LPP: variants seen among roughly 807,000 people sequenced by gnomAD.
LPP encodes lipoma-preferred partner.
LPP carries 38 observed loss-of-function variants against 60.4 expected under a neutral mutation model. The ratio of observed to expected loss-of-function variants is 0.63; its 90% CI spans 0.49 to 0.83. The LOEUF is 0.83. Among genes scored for constraint, LPP ranks in the 40% least tolerant of loss-of-function variants. LPP has a pLI of 0.00. For missense variants in LPP, 902 were observed against 783.6 expected, an observed-to-expected ratio of 1.15 and a Z score of -1.80; for synonymous variants, 328 against 290.8, an observed-to-expected ratio of 1.13 and a Z score of -1.30.
chr3:188,484,323 C>T (rs555228258), intron 4 of LPP, among the ~76,000 whole-genome samples: 1 of 152,144 alleles, frequency 6.6e-6, no homozygotes, highest in Non-Finnish European at 1.5e-5. Flanking sequence ...TATCTCCCAC[C>T]CAAGCTCATT....
At chr3:188,174,454 A>C (rs557113699) in intron 1 of LPP, among the ~76,000 whole-genome samples, 1 of 152,362 alleles carries the variant, frequency 6.6e-6, no homozygotes, top group South Asian at 2.1e-4. Context: ...TTGATACCCG[A>C]GGAACGCACG....
intron 8 of LPP, among the ~76,000 whole-genome samples, chr3:188,726,175 T>C (rs1008578090): frequency 1.6e-4 from 24 of 151,964 alleles, no homozygotes; most frequent in African/African-American, 5.6e-4. Context: ...GGGACAAGAT[T>C]TGGGGGATGA....
At chr3:188,445,047 A>T (rs147581025) in intron 4 of LPP, among the ~76,000 whole-genome samples, 101 of 152,322 alleles carry the variant, frequency 6.6e-4, no homozygotes, top group African/African-American at 2.3e-3. Flanking sequence ...TGGGAGTGTA[A>T]ATTAGTTCAA....
intron 9 of LPP, among the ~76,000 whole-genome samples, chr3:188,777,653 T>G (rs1212587624): frequency 1.3e-5 from 2 of 152,108 alleles, no homozygotes; most frequent in Non-Finnish European, 2.9e-5. Flanking sequence ...TGGCATGTCT[T>G]TTGTCTCTCT....
At chr3:188,342,654 C>A (rs1459969641) in intron 3 of LPP, among the ~76,000 whole-genome samples, 2 of 152,092 alleles carry the variant, frequency 1.3e-5, no homozygotes, top group Non-Finnish European at 2.9e-5. Context: ...ATATCTATGA[C>A]CTCGAACTGC....
In LPP at chr3:188,318,819, C is replaced by T. The variant is rs377456030; in HGVS notation, c.-66-22844C>T. 4.1e-3 allele frequency among the ~76,000 whole-genome samples: 543 copies of T among 132,102 alleles called. 6 individuals are homozygous for T. Among genetic ancestry groups the T allele is most frequent in the South Asian group, 0.02 (83 of 4,200 alleles). 86.7% of individuals were successfully genotyped at this position (132,102 alleles called of 152,430 possible). On this transcript the variant is annotated intron_variant, in intron 2 of 11. Transcript: ENST00000617246. The stretch of plus-strand genomic sequence containing the variant: ...TGTCGCCCAGGCTGGAGTGCAGTGG[C>T]GCGATCTCGGCTCACTGCAAGCTCC...
intron 2 of LPP, among the ~76,000 whole-genome samples, chr3:188,237,292 C>T (rs1253274569): frequency 6.6e-6 from 1 of 152,182 alleles, no homozygotes; most frequent in East Asian, 1.9e-4. Context: ...CTCCACTGGT[C>T]TTGAACCACT....
intron 6 of LPP, among the ~76,000 whole-genome samples, chr3:188,607,543 C>T (rs1242661229): frequency 2.6e-5 from 4 of 151,668 alleles, no homozygotes; most frequent in Non-Finnish European, 5.9e-5. Context: ...TGCCAACATT[C>T]TTCTGGCCCA....
At chr3:188,235,240 T>C (rs1721474874) in intron 2 of LPP, among the ~76,000 whole-genome samples, 1 of 151,974 alleles carries the variant, frequency 6.6e-6, no homozygotes, top group Non-Finnish European at 1.5e-5. Context: ...TCTGGAAGAG[T>C]TCTGGCAGCA....
At chr3:188,386,293 C>G (rs2148623280) in intron 3 of LPP, among the ~76,000 whole-genome samples, 2 of 151,956 alleles carry the variant, frequency 1.3e-5, no homozygotes, top group Admixed American at 1.3e-4. Context: ...CACACACACA[C>G]ACACACACAC....
At position 188,371,675 on chromosome 3, in the gene LPP, A is replaced by G. The variant is rs1405559362; in HGVS notation, c.-10+29956A>G. ...TTTTTTTTTTTTTTTTTTTTTTGAG[A>G]TGGAGACTTGCTCTTGTCGCCCAGG... is the stretch of plus-strand genomic sequence containing the variant. On this transcript the variant is annotated intron_variant, in intron 3 of 11. Transcript: ENST00000617246. Among the ~76,000 whole-genome samples, 6 of 40,062 alleles carry G rather than the reference A, an allele frequency of 1.5e-4. No homozygotes were observed. In the East Asian group the frequency reaches 6.8e-3, roughly 46 times the overall value. 26.3% of individuals were successfully genotyped at this position (40,062 alleles called of 152,430 possible). A position where few individuals can be genotyped will look rare whatever the true frequency, so the allele number is the denominator to read the frequency against.
intron 3 of LPP, among the ~76,000 whole-genome samples, chr3:188,360,295 A>G (rs746137629): frequency 2.0e-5 from 3 of 152,086 alleles, no homozygotes; most frequent in Non-Finnish European, 4.4e-5. Context: ...TGATCCTGAA[A>G]CTGTCATTCT....
intron 6 of LPP, among the ~76,000 whole-genome samples, chr3:188,600,968 GTA>G (rs758003689): frequency 5.3e-5 from 8 of 151,506 alleles, no homozygotes; most frequent in East Asian, 1.9e-4. Flanking sequence ...ATGTGTGTGT[GTA>G]TATATATATA....
intron 2 of LPP, among the ~76,000 whole-genome samples, chr3:188,270,235 T>A (rs1737251706): frequency 6.6e-6 from 1 of 151,924 alleles, no homozygotes; most frequent in South Asian, 2.1e-4. Flanking sequence ...TGGCCTAAGT[T>A]TCTTTTTCTT....
In LPP at chr3:188,621,156, G is replaced by A. The variant is rs780951652; in HGVS notation, c.1113+11312G>A. ...TTTTATTCCAAAAAAAAAAAGAGTC[G>A]TTTATGTGGGCTTAAATAGCTGTGC... On this transcript the variant is annotated intron_variant, in intron 7 of 11. Coordinates refer to ENST00000617246, the MANE Select transcript of LPP (RefSeq NM_001375462.1). 1.5e-4 allele frequency among the ~76,000 whole-genome samples: 22 copies of A among 151,120 alleles called. No homozygotes were observed. In the South Asian group the frequency reaches 2.9e-3, roughly 20 times the overall value.
chr3:188,402,293 T>C (rs1782437409), intron 3 of LPP, among the ~76,000 whole-genome samples: 1 of 152,220 alleles, frequency 6.6e-6, no homozygotes, highest in Non-Finnish European at 1.5e-5. Context: ...TATGATTATA[T>C]GTACACAAAT....
intron 9 of LPP, among the ~76,000 whole-genome samples, chr3:188,768,570 C>G (rs990754309): frequency 2.0e-5 from 3 of 152,096 alleles, no homozygotes; most frequent in Non-Finnish European, 4.4e-5. Context: ...TAAAATTTTT[C>G]ATGCATTCAT....
rs149539155 is a variant in LPP at position 188,781,402 on chromosome 3, G to A, written c.1410+21120G>A. Among the ~76,000 whole-genome samples the A allele has an allele frequency of 8.1e-4, 123 of 152,130 alleles. 1 individual carries two copies. The Middle Eastern group carries it at 0.01, about 13-fold the overall frequency. Reference sequence around the variant, plus strand: ...TCCAACATGAAGTTTGTATTAATCCGTTTTCACACTGTGAGGAAGAAATAC... The same window carrying A: ...TCCAACATGAAGTTTGTATTAATCCATTTTCACACTGTGAGGAAGAAATAC... On this transcript the variant is annotated intron_variant, in intron 9 of 11. Coordinates refer to ENST00000617246, the MANE Select transcript of LPP (RefSeq NM_001375462.1).
At chr3:188,423,498 C>A (rs980032229) in intron 4 of LPP, among the ~76,000 whole-genome samples, 1 of 152,120 alleles carries the variant, frequency 6.6e-6, no homozygotes, top group Non-Finnish European at 1.5e-5. Context: ...ATTTCTTGTT[C>A]TAGATCCTTG....
Sources: allele counts gnomAD v4.1 joint callset (sites outside exome capture counted in the v4.1 genomes callset), GRCh38; gene constraint gnomAD v4.1.1; transcripts MANE v1.5; gene names NCBI Gene and HGNC (gene_info 2026-07-23, HGNC 2026-07-21).